Variants in CAMKMT observed in about 807,000 individuals in gnomAD.
CAMKMT encodes the protein CaM KMT.
In CAMKMT, 53 loss-of-function variants were observed where a neutral mutation model predicts 48.0. That is an observed-to-expected ratio of 1.10 (90% CI 0.89 to 1.39). The LOEUF (loss-of-function observed/expected upper bound fraction) is 1.39. Ranked by LOEUF, CAMKMT falls within the 40% of genes most tolerant of loss-of-function variation. The probability of loss-of-function intolerance (pLI) is 0.00; values close to 1 mark genes in which losing one functional copy is unlikely to be tolerated. For synonymous variants in CAMKMT, 165 were observed against 152.3 expected (o/e 1.08, Z -0.61); for missense variants, 428 against 402.7 (o/e 1.06, Z -0.54).
intron 3 of CAMKMT, among the ~76,000 whole-genome samples, chr2:44,573,951 T>TACA (rs2103745866): frequency 6.6e-6 from 1 of 152,328 alleles, no homozygotes; most frequent in East Asian, 1.9e-4. Context: ...TAGTTATGTT[T>TACA]TGATTTCTGA....
chr2:44,705,475 G>C, intron 4 of CAMKMT: 3 of 985,376 alleles, frequency 3.0e-6, no homozygotes, highest in Non-Finnish European at 3.6e-6. Context: ...TCCAATCAGC[G>C]AGCAGTGGGC....
At chr2:44,505,512 G>C (rs1670213214) in intron 3 of CAMKMT, among the ~76,000 whole-genome samples, 1 of 152,094 alleles carries the variant, frequency 6.6e-6, no homozygotes, top group African/African-American at 2.4e-5. Context: ...AAGTTTTATA[G>C]TCTTATGTTT....
At chr2:44,639,682 A>G (rs781302883) in intron 3 of CAMKMT, among the ~76,000 whole-genome samples, 19 of 152,154 alleles carry the variant, frequency 1.2e-4, no homozygotes, top group Non-Finnish European at 2.6e-4. Flanking sequence ...ACCAGCTCCT[A>G]TCTTTTGTGG....
intron 3 of CAMKMT, chr2:44,456,532 T>G (rs1286700389): frequency 6.5e-7 from 1 of 1,546,386 alleles, no homozygotes; most frequent in South Asian, 1.2e-5. Flanking sequence ...ACAGCCAAGT[T>G]TACCTTTTCT....
chr2:44,491,737 C>T (rs1000575589), intron 3 of CAMKMT, among the ~76,000 whole-genome samples: 51 of 152,046 alleles, frequency 3.4e-4, no homozygotes, highest in Non-Finnish European at 7.4e-4. Flanking sequence ...ATACACTTTT[C>T]TTGTTGCTGT....
intron 8 of CAMKMT, among the ~76,000 whole-genome samples, chr2:44,750,561 T>A (rs185540205): frequency 1.4e-3 from 212 of 152,344 alleles, no homozygotes; most frequent in African/African-American, 4.9e-3. Context: ...CTAGAACTGA[T>A]GGCTCTAAAG....
chr2:44,419,612 C>A (rs1227466514), intron 3 of CAMKMT, among the ~76,000 whole-genome samples: 1 of 152,214 alleles, frequency 6.6e-6, no homozygotes, highest in Non-Finnish European at 1.5e-5. Flanking sequence ...GACAGTCTCG[C>A]TCTGTCACCC....
intron 2 of CAMKMT, among the ~76,000 whole-genome samples, chr2:44,386,805 T>C (rs1016003312): frequency 2.0e-5 from 3 of 152,142 alleles, no homozygotes; most frequent in Non-Finnish European, 2.9e-5. Context: ...TTATTTAATT[T>C]TCATATATTT....
Position 44,477,840 on chromosome 2 carries a change from A to G in CAMKMT, c.376+87535A>G, listed in dbSNP as rs372428478. Among the ~76,000 whole-genome samples, 34 of 152,342 alleles carry G rather than the reference A, an allele frequency of 2.2e-4. 1 individual carries two copies. The highest frequency in any genetic ancestry group is 3.3e-4 in the Admixed American group (5 of 15,308). ...TTAGCATATTCACAATGGTACAGGT[A>G]TAGGCTAAGCTTGGTCACAGGTGAA... On this transcript the variant is annotated intron_variant, in intron 3 of 10. Transcript: ENST00000378494.
chr2:44,704,012 G>C (rs1677406029), intron 3 of CAMKMT, among the ~76,000 whole-genome samples: 1 of 152,002 alleles, frequency 6.6e-6, no homozygotes, highest in African/African-American at 2.4e-5. Flanking sequence ...TGATATTTGT[G>C]ATTTTGGTTG....
chr2:44,428,143 G>C (rs897998045), intron 3 of CAMKMT, among the ~76,000 whole-genome samples: 6 of 152,150 alleles, frequency 3.9e-5, no homozygotes, highest in African/African-American at 1.4e-4. Context: ...TTGGTACCTA[G>C]GTTCTTGTCC....
intron 2 of CAMKMT, among the ~76,000 whole-genome samples, chr2:44,388,359 T>C (rs1680979898): frequency 6.6e-6 from 1 of 152,232 alleles, no homozygotes; most frequent in Non-Finnish European, 1.5e-5. Context: ...ACATTTTGAC[T>C]GTTTTTTCTT....
At chr2:44,756,513 G>A (rs1028045831) in intron 9 of CAMKMT, among the ~76,000 whole-genome samples, 15 of 151,930 alleles carry the variant, frequency 9.9e-5, no homozygotes, top group African/African-American at 1.5e-4. Flanking sequence ...AGGCCGAGGC[G>A]GGCGGATCAC....
At chr2:44,760,928 C>T (rs907363384) in intron 9 of CAMKMT, among the ~76,000 whole-genome samples, 4 of 152,164 alleles carry the variant, frequency 2.6e-5, no homozygotes, top group African/African-American at 9.7e-5. Flanking sequence ...ACTCAGCAAA[C>T]ATTTATTGAG....
At position 44,429,251 on chromosome 2, in the gene CAMKMT, T is replaced by TTA. The variant is rs1270813076; in HGVS notation, c.376+38954_376+38955dup. ...GTTTGCTTTGGTGACTCAGGAGGTT[T>TTA]TATATATATGTGTGTGTGTGTGTGT... On this transcript the variant is annotated intron_variant, in intron 3 of 10. Transcript: ENST00000378494. 1.7e-3 allele frequency among the ~76,000 whole-genome samples: 243 copies of TTA among 140,948 alleles called. 3 individuals carry two copies. The highest frequency in any genetic ancestry group is 5.8e-3 in the African/African-American group (211 of 36,340). 92.5% of individuals were successfully genotyped at this position (140,948 alleles called of 152,430 possible).
chr2:44,559,657 T>A (rs1292702540), intron 3 of CAMKMT, among the ~76,000 whole-genome samples: 1 of 152,194 alleles, frequency 6.6e-6, no homozygotes, highest in Non-Finnish European at 1.5e-5. Context: ...GACTAGTATG[T>A]CTGTAGAGCT....
chr2:44,551,948 C>T (rs540543025), intron 3 of CAMKMT, among the ~76,000 whole-genome samples: 5 of 151,972 alleles, frequency 3.3e-5, no homozygotes, highest in African/African-American at 4.8e-5. Flanking sequence ...TTACTCAGGG[C>T]GAAGTGTAAT....
At chr2:44,406,469 C>G (rs371082481) in intron 3 of CAMKMT, among the ~76,000 whole-genome samples, 3 of 143,416 alleles carry the variant, frequency 2.1e-5, no homozygotes, top group African/African-American at 2.7e-5. Context: ...TTGAGTTTCT[C>G]TTTAATACCA....
intron 3 of CAMKMT, among the ~76,000 whole-genome samples, chr2:44,423,071 A>T (rs1230210714): frequency 2.0e-5 from 3 of 152,202 alleles, no homozygotes; most frequent in African/African-American, 7.2e-5. Context: ...AGAATTCCTC[A>T]AGAGGAATAA....
Sources: allele counts gnomAD v4.1 joint callset (sites outside exome capture counted in the v4.1 genomes callset), GRCh38; gene constraint gnomAD v4.1.1; transcripts MANE v1.5; gene names NCBI Gene and HGNC (gene_info 2026-07-23, HGNC 2026-07-21).